The following ANKFN1 variants were observed in gnomAD, a reference collection of about 807,000 sequenced individuals.
ANKFN1 encodes ankyrin repeat and fibronectin type-III domain-containing protein 1.
Under a neutral mutation model 108.7 loss-of-function variants are expected in ANKFN1, and 74 were observed. The observed-to-expected ratio is 0.68, with a 90% CI of 0.56 to 0.83. The LOEUF (loss-of-function observed/expected upper bound fraction) is 0.83. Ranked by LOEUF, ANKFN1 falls within the 40% of genes least tolerant of loss-of-function variation. The probability of loss-of-function intolerance (pLI) is 0.00; values close to 1 mark genes in which losing one functional copy is unlikely to be tolerated. For missense variants in ANKFN1, 1,505 were observed against 1,382.3 expected, an observed-to-expected ratio of 1.09 and a Z score of -1.41; for synonymous variants, 547 against 516.2, an observed-to-expected ratio of 1.06 and a Z score of -0.81.
chr17:56,261,280 A>C (rs2043503803), intron 3 of ANKFN1, among the ~76,000 whole-genome samples: 1 of 152,364 alleles, frequency 6.6e-6, no homozygotes, highest in Non-Finnish European at 1.5e-5. Flanking sequence ...CATTGTTAGA[A>C]GACCAACATG....
intron 18 of ANKFN1, 71 bp downstream of exon 18, chr17:56,482,595 T>C (rs1197782702): frequency 6.5e-7 from 1 of 1,533,940 alleles, no homozygotes; most frequent in Admixed American, 1.9e-5. Context: ...GTTATATCTG[T>C]TCCCCCTTGT....
intron 3 of ANKFN1, among the ~76,000 whole-genome samples, chr17:56,322,938 A>AT (rs2045411213): frequency 6.6e-6 from 1 of 152,222 alleles, no homozygotes; most frequent in Admixed American, 6.5e-5. Flanking sequence ...ACATTGCTTC[A>AT]TTTAATATCT....
chr17:56,222,328 G>A (rs924949542), intron 2 of ANKFN1, among the ~76,000 whole-genome samples: 3 of 152,156 alleles, frequency 2.0e-5, no homozygotes, highest in African/African-American at 7.2e-5. Context: ...CTACTAGTTA[G>A]GAGACCCCAA....
intron 11 of ANKFN1, among the ~76,000 whole-genome samples, chr17:56,450,258 A>C (rs988380492): frequency 6.6e-6 from 1 of 151,014 alleles, no homozygotes; most frequent in Non-Finnish European, 1.5e-5. Flanking sequence ...AAAAATAGCA[A>C]ATTTTTTAAA....
At chr17:56,510,334 A>G in intron 20 of ANKFN1, 139 bp from the exon 21 acceptor site, 2 of 734,522 alleles carry the variant, frequency 2.7e-6, no homozygotes, top group Non-Finnish European at 2.2e-6. Context: ...ATGTGTCAGC[A>G]TTTCAGGAGG....
intron 4 of ANKFN1, among the ~76,000 whole-genome samples, chr17:56,109,867 T>G (rs1179357720): frequency 6.6e-6 from 1 of 152,232 alleles, no homozygotes; most frequent in Non-Finnish European, 1.5e-5. Context: ...AAGAGTTCAC[T>G]ACTTGGGAAC....
At chr17:56,378,494 A>T (rs1047891912) in intron 8 of ANKFN1, among the ~76,000 whole-genome samples, 1 of 152,234 alleles carries the variant, frequency 6.6e-6, no homozygotes. Context: ...TCTATCAAGA[A>T]AAATGCATTC....
chr17:56,332,620 C>G (rs971727271), intron 4 of ANKFN1, among the ~76,000 whole-genome samples: 4 of 152,024 alleles, frequency 2.6e-5, no homozygotes. Context: ...AGGTTGTTTC[C>G]TGGCTCTCTA....
chr17:56,407,248 T>A (rs990258320), intron 8 of ANKFN1, among the ~76,000 whole-genome samples: 2 of 152,240 alleles, frequency 1.3e-5, no homozygotes, highest in African/African-American at 4.8e-5. Flanking sequence ...TCCTTTAGAT[T>A]GATTTATGAG....
At chr17:56,230,188 C>T (rs1916626964) in intron 3 of ANKFN1, among the ~76,000 whole-genome samples, 1 of 152,050 alleles carries the variant, frequency 6.6e-6, no homozygotes, top group South Asian at 2.1e-4. Context: ...ACAGCTTTAG[C>T]CAAGTCAGGA....
At chr17:56,291,282 TTTA>T (rs2044356892) in intron 3 of ANKFN1, among the ~76,000 whole-genome samples, 1 of 152,170 alleles carries the variant, frequency 6.6e-6, no homozygotes, top group Non-Finnish European at 1.5e-5. Context: ...GGGATGGTAT[TTTA>T]ACTCATTATT....
rs563200360 is a variant in ANKFN1, at chr17:56,204,667, C to G, written c.-70-7931C>G. Among the ~76,000 whole-genome samples the G allele has an allele frequency of 2.0e-5, 3 of 152,082 alleles. No homozygotes were observed. In the East Asian group the frequency reaches 5.9e-4, roughly 30 times the overall value. On this transcript the variant is annotated intron_variant, in intron 1 of 20. Transcript: ENST00000682825. ...AGGCACTGTTTATGATCATACATTA[C>G]GGATTGGAAACCACTGTCATAATAT...
chr17:56,271,005 T>C (rs2043778554), intron 3 of ANKFN1, among the ~76,000 whole-genome samples: 2 of 152,152 alleles, frequency 1.3e-5, no homozygotes, highest in Admixed American at 6.5e-5. Flanking sequence ...TGTAAAATTA[T>C]TTTTTTATTT....
chr17:56,488,093 A>T (rs181043429), intron 18 of ANKFN1, among the ~76,000 whole-genome samples: 1 of 152,326 alleles, frequency 6.6e-6, no homozygotes, highest in Non-Finnish European at 1.5e-5. Flanking sequence ...TTTTAAGAAA[A>T]GGGATGATGT....
intron 4 of ANKFN1, among the ~76,000 whole-genome samples, chr17:56,061,412 C>T (rs1406486093): frequency 6.6e-6 from 1 of 151,352 alleles, no homozygotes; most frequent in Non-Finnish European, 1.5e-5. Context: ...GCTGGGATTA[C>T]AGGTGCCTGC....
chr17:56,079,310 A>G (rs1242030888), intron 4 of ANKFN1, among the ~76,000 whole-genome samples: 1 of 152,102 alleles, frequency 6.6e-6, no homozygotes, highest in African/African-American at 2.4e-5. Flanking sequence ...AAACGTAGAC[A>G]CTTCCATTCT....
At chr17:56,396,157 A>C (rs2047577281) in intron 8 of ANKFN1, among the ~76,000 whole-genome samples, 1 of 152,166 alleles carries the variant, frequency 6.6e-6, no homozygotes. Flanking sequence ...CATTTTAAGA[A>C]GGGGCCACGG....
intron 4 of ANKFN1, among the ~76,000 whole-genome samples, chr17:56,080,220 A>G (rs544964902): frequency 6.6e-6 from 1 of 152,332 alleles, no homozygotes; most frequent in African/African-American, 2.4e-5. Flanking sequence ...TCAGAGAGCA[A>G]TTAACAGTAC....
At chr17:56,111,375 G>T (rs889014771) in intron 4 of ANKFN1, among the ~76,000 whole-genome samples, 2 of 152,060 alleles carry the variant, frequency 1.3e-5, no homozygotes, top group Non-Finnish European at 2.9e-5. Flanking sequence ...CTTACTCTCT[G>T]CCTACCACCT....
Sources: allele counts gnomAD v4.1 joint callset (sites outside exome capture counted in the v4.1 genomes callset), GRCh38; gene constraint gnomAD v4.1.1; transcripts MANE v1.5; gene names NCBI Gene and HGNC (gene_info 2026-07-23, HGNC 2026-07-21).